Variants in RPS6KA3 observed in about 807,000 individuals in gnomAD.
RPS6KA3 encodes ribosomal protein S6 kinase A3, also known as ribosomal protein S6 kinase alpha-3.
RPS6KA3 carries 4 observed loss-of-function variants against 67.2 expected under a neutral mutation model. The observed-to-expected ratio is 0.06, with a 90% CI of 0.03 to 0.14. The LOEUF (loss-of-function observed/expected upper bound fraction) is 0.14. RPS6KA3 is among the 10% of genes least tolerant of loss of function. The pLI is 1.00. For synonymous variants in RPS6KA3, 182 were observed against 183.7 expected, an observed-to-expected ratio of 0.99 and a Z score of 0.07; for missense variants, 204 against 559.0, an observed-to-expected ratio of 0.36 and a Z score of 6.40.
At chrX:20,178,636 C>CTTGT (rs2067764844) in intron 10 of RPS6KA3, among the ~76,000 whole-genome samples, 1 of 39,442 alleles carries the variant, frequency 2.5e-5, no homozygotes, top group African/African-American at 9.3e-5. Context: ...CCACACCTGG[C>CTTGT]TTTTTTTTTT....
intron 1 of RPS6KA3, among the ~76,000 whole-genome samples, chrX:20,250,748 T>C (rs2069842070): frequency 8.9e-6 from 1 of 112,091 alleles, no homozygotes; most frequent in South Asian, 3.7e-4. Context: ...GCAATTCTTA[T>C]ATGTTGTTAG....
In RPS6KA3 at chrX:20,180,683, T is replaced by C. The variant is rs140050053; in HGVS notation, c.846-3599A>G. The stretch of plus-strand genomic sequence containing the variant: ...CTTACAGATAATGTCAACCCACTTA[T>C]AGACATGAAACTCTGCCACTTCTTG... On this transcript the variant is annotated intron_variant, in intron 10 of 21. Coordinates refer to ENST00000379565, the MANE Select transcript of RPS6KA3 (RefSeq NM_004586.3). Among the ~76,000 whole-genome samples, 133 of 112,209 alleles carry C rather than the reference T, an allele frequency of 1.2e-3. 4 individuals carry two copies. The East Asian group carries it at 0.029, about 25-fold the overall frequency.
At chrX:20,196,981 AGGCTTG>A (rs2068290660) in intron 4 of RPS6KA3, among the ~76,000 whole-genome samples, 1 of 111,720 alleles carries the variant, frequency 9.0e-6, no homozygotes. Flanking sequence ...CTGGGATTAC[AGGCTTG>A]TGCTACCATA....
At chrX:20,226,371 T>C (rs1449584392) in intron 2 of RPS6KA3, among the ~76,000 whole-genome samples, 2 of 111,425 alleles carry the variant, frequency 1.8e-5, no homozygotes, top group Non-Finnish European at 3.8e-5. Flanking sequence ...ATTAACTCCA[T>C]ACACTAAGAA....
intron 1 of RPS6KA3, among the ~76,000 whole-genome samples, chrX:20,253,147 T>C (rs1294251060): frequency 1.0e-5 from 1 of 97,951 alleles, no homozygotes; most frequent in Non-Finnish European, 2.0e-5. Context: ...CTGCTTTTGC[T>C]GGGCAAAGAA....
chrX:20,227,054 T>A (rs1040215559), intron 2 of RPS6KA3, among the ~76,000 whole-genome samples: 7 of 111,832 alleles, frequency 6.3e-5, no homozygotes, highest in Non-Finnish European at 1.3e-4. Flanking sequence ...TTTGTACCTA[T>A]TTCAAATTCT....
chrX:20,261,687 G>A (rs1019707468), intron 1 of RPS6KA3, among the ~76,000 whole-genome samples: 6 of 112,098 alleles, frequency 5.4e-5, no homozygotes, highest in Non-Finnish European at 9.4e-5. Flanking sequence ...ACACATTTGC[G>A]TTTGTTTTGC....
At chrX:20,209,263 A>T in intron 3 of RPS6KA3, 25 bp downstream of exon 3, 1 of 869,337 alleles carries the variant, frequency 1.2e-6, no homozygotes, top group Non-Finnish European at 1.7e-6. Context: ...GACAACTCTT[A>T]AAAAAGCACA....
At chrX:20,263,154 T>A (rs1257727274) in intron 1 of RPS6KA3, among the ~76,000 whole-genome samples, 2 of 111,855 alleles carry the variant, frequency 1.8e-5, no homozygotes, top group Non-Finnish European at 3.8e-5. Context: ...AAAACAAAAA[T>A]AACCTCCATA....
At chrX:20,165,872 A>G (rs1011736008) in intron 17 of RPS6KA3, among the ~76,000 whole-genome samples, 4 of 111,216 alleles carry the variant, frequency 3.6e-5, no homozygotes, top group African/African-American at 6.5e-5. Context: ...TCCGTGGCGT[A>G]TATGTTTCAA....
Position 20,172,732 on chromosome X carries a change from T to TA in RPS6KA3, c.1353+13dup, listed in dbSNP as rs766402947. ...AGAACTGTATGAATTGCATTTTAAA[T>TA]AAAAAAAATTTACCTTCACTGCAAA... On this transcript the variant is annotated intron_variant, in intron 15 of 21. Coordinates refer to ENST00000379565, the MANE Select transcript of RPS6KA3 (RefSeq NM_004586.3). The TA allele has an allele frequency of 5.4e-4, 629 of 1,167,035 alleles. No individual in the cohort carries two copies. The highest frequency in any genetic ancestry group is 6.3e-4 in the Non-Finnish European group (551 of 868,721).
intron 4 of RPS6KA3, chrX:20,203,556 C>A (rs1475910988): frequency 1.7e-5 from 2 of 116,415 alleles, no homozygotes; most frequent in Non-Finnish European, 3.5e-5. Flanking sequence ...AGCCACCACG[C>A]CCGGCCTCTT....
At chrX:20,169,095 C>T (rs1230508770) in intron 16 of RPS6KA3, among the ~76,000 whole-genome samples, 1 of 112,123 alleles carries the variant, frequency 8.9e-6, no homozygotes, top group African/African-American at 3.2e-5. Flanking sequence ...TCAAGCAATC[C>T]TCCTGCCTCA....
chrX:20,233,735 GGA>G (rs2069334224), intron 2 of RPS6KA3, among the ~76,000 whole-genome samples: 1 of 110,657 alleles, frequency 9.0e-6, no homozygotes, highest in African/African-American at 3.3e-5. Context: ...TGGGTGACAG[GGA>G]GAGAGACCGT....
In RPS6KA3 at chrX:20,188,510, G is replaced by A. The variant is rs748839680; in HGVS notation, c.618C>T (p.His206=). Residue 206 remains histidine, a synonymous_variant, in exon 8 of 22, where the codon CAC becomes CAT. Coordinates refer to ENST00000379565, the MANE Select transcript of RPS6KA3 (RefSeq NM_004586.3). ...PENILLDEEG[H]IKLTDFGLSK... is the part of the protein sequence containing the mutation. ...TTTTTTTTTTACCTGTTAACTTGAT[G>A]TGACCTTCTTCATCAAGAAGTATAC... is the stretch of plus-strand genomic sequence containing the variant. 1.6e-5 allele frequency: 16 copies of A among 1,016,076 alleles called. No homozygotes were observed. The African/African-American group carries it at 3.0e-4, about 19-fold the overall frequency. 83.7% of individuals were successfully genotyped at this position (1,016,076 alleles called of 1,213,427 possible).
intron 1 of RPS6KA3, among the ~76,000 whole-genome samples, chrX:20,252,793 C>T (rs1456796818): frequency 9.0e-6 from 1 of 111,136 alleles, no homozygotes; most frequent in Non-Finnish European, 1.9e-5. Flanking sequence ...GCCAACTAGC[C>T]CTGCCACCCA....
Position 20,155,487 on chromosome X carries a change from G to A in RPS6KA3, c.2134C>T (p.Arg712Cys), listed in dbSNP as rs1323142539. 5 of 1,210,667 alleles carry A rather than the reference G, an allele frequency of 4.1e-6. No individual in the cohort carries two copies. Among genetic ancestry groups the A allele is most frequent in the Middle Eastern group, 2.3e-4 (1 of 4,354 alleles). Residue 712 changes from arginine to cysteine, a missense_variant, in exon 22 of 22, where the codon CGT (arginine) becomes TGT (cysteine). By Grantham distance (180) the Arg-to-Cys change is radical. This residue lies in a region of RPS6KA3 where 73 missense variants were observed against 241.1 expected (regional missense o/e 0.30). Coordinates refer to ENST00000379565, the MANE Select transcript of RPS6KA3 (RefSeq NM_004586.3). ...GGTTCCAAAACTGGTGACTGATTAC[G>A]GTTCAAAGCAGAATATGTAGCTGCC... ...AMAATYSALN[R>C]NQSPVLEPVG...
chrX:20,167,558 T>C (rs752831253), intron 17 of RPS6KA3, 31 bp downstream of exon 17: 3 of 1,168,825 alleles, frequency 2.6e-6, no homozygotes, highest in Admixed American at 2.2e-5. Flanking sequence ...AAAGTGTGTG[T>C]ATGTACATAT....
chrX:20,193,623 T>A (rs983868427), intron 6 of RPS6KA3, 30 bp from the exon 7 acceptor site: 10 of 962,901 alleles, frequency 1.0e-5, no homozygotes, highest in Non-Finnish European at 1.5e-5. Context: ...TTTCTAAATT[T>A]ATTTTCTTTT....
Sources: allele counts gnomAD v4.1 joint callset (sites outside exome capture counted in the v4.1 genomes callset), GRCh38; gene constraint gnomAD v4.1.1; regional missense constraint gnomAD v4.1.1; transcripts MANE v1.5; gene names NCBI Gene and HGNC (gene_info 2026-07-23, HGNC 2026-07-21).